Variants in TEX29 observed in about 807,000 individuals in gnomAD.
The protein encoded by TEX29 is testis-expressed protein 29.
A neutral mutation model predicts 18.2 loss-of-function variants in TEX29; 26 were observed. That is an observed-to-expected ratio of 1.43 (90% CI 1.04 to 1.98). TEX29 has a LOEUF of 1.98. TEX29 is among the 30% of genes most tolerant of loss of function. The pLI is 0.00. For synonymous variants in TEX29, 83 were observed against 78.5 expected, an observed-to-expected ratio of 1.06 and a Z score of -0.31; for missense variants, 177 against 194.2, an observed-to-expected ratio of 0.91 and a Z score of 0.53.
At position 111,328,248 on chromosome 13, in the gene TEX29, G is replaced by T; in HGVS notation, c.124G>T (p.Gly42Trp). ...CTCCAGGGACCGATGCCAGGAGCTC[G>T]GGTGCTGCTTCTACGAAGGCGTCTG... ...NVSRDRCQEL[G>W]CCFYEGVCYK... The change falls in exon 3 of 6, where the codon GGG (glycine) becomes TGG (tryptophan). Residue 42 changes from glycine to tryptophan, a missense_variant. Coordinates refer to ENST00000283547, the MANE Select transcript of TEX29 (RefSeq NM_152324.3). The T allele has an allele frequency of 6.2e-7, 1 of 1,614,028 alleles. No homozygotes were observed. The highest frequency in any genetic ancestry group is 8.5e-7 in the Non-Finnish European group (1 of 1,180,012).
intron 3 of TEX29, 146 bp from the exon 4 acceptor site, chr13:111,339,717 G>A (rs188972136): frequency 2.9e-5 from 21 of 716,092 alleles, no homozygotes; most frequent in East Asian, 1.0e-4. Flanking sequence ...TCCAGGAGAC[G>A]CTGGGGAGGG....
intron 3 of TEX29, among the ~76,000 whole-genome samples, chr13:111,334,112 T>C (rs533223373): frequency 6.6e-6 from 1 of 152,246 alleles, no homozygotes; most frequent in Non-Finnish European, 1.5e-5. Flanking sequence ...GCATTTTTTA[T>C]GTATATGGCC....
intron 3 of TEX29, among the ~76,000 whole-genome samples, chr13:111,336,581 A>G (rs2093689918): frequency 6.6e-6 from 1 of 152,012 alleles, no homozygotes; most frequent in South Asian, 2.1e-4. Flanking sequence ...GTCTTGATTT[A>G]GGGTATGTTA....
chr13:111,328,433 G>A (rs2093677686), intron 3 of TEX29, 140 bp downstream of exon 3: 2 of 647,360 alleles, frequency 3.1e-6, no homozygotes, highest in East Asian at 2.8e-5. Flanking sequence ...CAACTCTTCT[G>A]CTCCGTCTTA....
At chr13:111,325,568 T>A (rs907294909) in intron 2 of TEX29, among the ~76,000 whole-genome samples, 1 of 151,992 alleles carries the variant, frequency 6.6e-6, no homozygotes, top group Admixed American at 6.5e-5. Context: ...CCTCAAAGCC[T>A]GTTAGGGGTT....
intron 2 of TEX29, among the ~76,000 whole-genome samples, chr13:111,327,380 G>A (rs1208969952): frequency 6.6e-6 from 1 of 152,230 alleles, no homozygotes. Context: ...CCCGGCCCCT[G>A]TCCCAGTGGA....
At chr13:111,339,814 T>A in intron 3 of TEX29, 49 bp from the exon 4 acceptor site, 1 of 1,597,836 alleles carries the variant, frequency 6.3e-7, no homozygotes, top group Non-Finnish European at 8.6e-7. Flanking sequence ...ATCTTCTTCC[T>A]TTTCTATTTA....
At chr13:111,328,508 A>G (rs1046158731) in intron 3 of TEX29, among the ~76,000 whole-genome samples, 12 of 152,190 alleles carry the variant, frequency 7.9e-5, no homozygotes, top group Non-Finnish European at 1.3e-4. Flanking sequence ...GTAAGCCACC[A>G]TAGGGGTTCC....
chr13:111,339,177 C>T (rs1191947520), intron 3 of TEX29: 1 of 443,002 alleles, frequency 2.3e-6, no homozygotes, highest in East Asian at 7.0e-5. Context: ...TTGACTTTTG[C>T]TGAGGCTGGG....
upstream of TEX29, among the ~76,000 whole-genome samples, chr13:111,316,886 G>A (rs572648799): frequency 5.3e-5 from 8 of 152,294 alleles, no homozygotes; most frequent in East Asian, 1.9e-4. Context: ...CATGGCAGAA[G>A]GGGAAGGGGA....
chr13:111,344,132 C>T lies in TEX29; in HGVS notation c.*9C>T, dbSNP rs1345636722. 4.3e-6 allele frequency: 7 copies of T among 1,611,086 alleles called. No individual in the cohort carries two copies. In the South Asian group the frequency reaches 6.6e-5, roughly 15 times the overall value. The stretch of plus-strand genomic sequence containing the variant: ...AAGAAACTGAGGACTGACTGAGACG[C>T]ATGAAGAAGTGGAGATTGTCAGAAT... On this transcript the variant is annotated 3_prime_UTR_variant, in exon 6 of 6. Coordinates refer to ENST00000283547, the MANE Select transcript of TEX29 (RefSeq NM_152324.3).
upstream of TEX29, among the ~76,000 whole-genome samples, chr13:111,316,717 C>T (rs1340181009): frequency 6.6e-6 from 1 of 152,214 alleles, no homozygotes; most frequent in Non-Finnish European, 1.5e-5. Flanking sequence ...TGGGCTCTGG[C>T]TGGGCTGAAA....
intron 3 of TEX29, among the ~76,000 whole-genome samples, chr13:111,338,804 C>T (rs781283367): frequency 2.0e-5 from 3 of 152,230 alleles, no homozygotes; most frequent in Non-Finnish European, 4.4e-5. Flanking sequence ...AAATTCCTTA[C>T]ATCAACCTGA....
intron 3 of TEX29, among the ~76,000 whole-genome samples, chr13:111,338,850 A>T (rs2093693135): frequency 6.6e-6 from 1 of 152,208 alleles, no homozygotes. Flanking sequence ...GTAGATGAGG[A>T]TATTATTTGA....
intron 2 of TEX29, among the ~76,000 whole-genome samples, chr13:111,323,170 C>T (rs2093667439): frequency 6.6e-6 from 1 of 152,240 alleles, no homozygotes; most frequent in East Asian, 1.9e-4. Context: ...TGGGCTTCCC[C>T]ATGTCCACAC....
intron 2 of TEX29, among the ~76,000 whole-genome samples, chr13:111,325,599 G>A (rs1370783277): frequency 1.3e-5 from 2 of 152,116 alleles, no homozygotes; most frequent in Non-Finnish European, 2.9e-5. Flanking sequence ...GTGGAGGGCC[G>A]GGCTAGGAAT....
intron 4 of TEX29, among the ~76,000 whole-genome samples, chr13:111,342,391 T>C (rs140170853): frequency 1.9e-4 from 29 of 152,148 alleles, no homozygotes; most frequent in African/African-American, 7.0e-4. Flanking sequence ...GTTTGGAGCC[T>C]GCACAAGAAA....
intron 3 of TEX29, among the ~76,000 whole-genome samples, chr13:111,337,676 G>A (rs1229055266): frequency 6.6e-6 from 1 of 152,106 alleles, no homozygotes; most frequent in Non-Finnish European, 1.5e-5. Context: ...TTGGAGGTGA[G>A]TCTGCCCCAC....
chr13:111,326,431 G>C (rs1263069680), intron 2 of TEX29, among the ~76,000 whole-genome samples: 60 of 150,066 alleles, frequency 4.0e-4, no homozygotes, highest in African/African-American at 1.4e-3. Context: ...TGGGCAGCGT[G>C]AGCCTGGCGC....
Sources: allele counts gnomAD v4.1 joint callset (sites outside exome capture counted in the v4.1 genomes callset), GRCh38; gene constraint gnomAD v4.1.1; transcripts MANE v1.5; gene names NCBI Gene and HGNC (gene_info 2026-07-23, HGNC 2026-07-21).